Variants in ETV6 observed in about 807,000 individuals in gnomAD.
ETV6 encodes ETS variant transcription factor 6, also known as transcription factor ETV6.
In ETV6, 16 loss-of-function variants were observed where a neutral mutation model predicts 51.1. The ratio of observed to expected loss-of-function variants is 0.31; its 90% CI spans 0.21 to 0.48. The LOEUF is 0.48. Ranked by LOEUF, ETV6 falls within the 20% of genes least tolerant of loss-of-function variation. The probability of loss-of-function intolerance (pLI) is 0.99; values close to 1 mark genes in which losing one functional copy is unlikely to be tolerated. For missense variants in ETV6, 458 were observed against 594.8 expected (o/e 0.77, Z 2.39); for synonymous variants, 240 against 224.1 (o/e 1.07, Z -0.64).
chr12:11,815,618 G>A (rs1945980465), intron 2 of ETV6, among the ~76,000 whole-genome samples: 1 of 146,236 alleles, frequency 6.8e-6, no homozygotes, highest in South Asian at 2.1e-4. Flanking sequence ...CTCACCTGGT[G>A]ACTGTGAAGG....
At chr12:11,827,991 C>G (rs1946184232) in intron 2 of ETV6, among the ~76,000 whole-genome samples, 1 of 152,242 alleles carries the variant, frequency 6.6e-6, no homozygotes, top group Non-Finnish European at 1.5e-5. Flanking sequence ...CTTGCACCAA[C>G]TTTCCTCCAG....
chr12:11,713,837 C>T (rs1220134585), intron 1 of ETV6, among the ~76,000 whole-genome samples: 6 of 152,124 alleles, frequency 3.9e-5, no homozygotes, highest in Admixed American at 3.9e-4. Context: ...TGTTCTAGAA[C>T]AATTAAATTC....
intron 1 of ETV6, among the ~76,000 whole-genome samples, chr12:11,669,564 A>G (rs1031920247): frequency 4.6e-5 from 7 of 151,128 alleles, no homozygotes; most frequent in South Asian, 2.1e-4. Flanking sequence ...TTACATCTCT[A>G]TCTCCTGTGG....
chr12:11,835,564 G>C (rs1421925219), intron 2 of ETV6, among the ~76,000 whole-genome samples: 1 of 152,222 alleles, frequency 6.6e-6, no homozygotes, highest in African/African-American at 2.4e-5. Context: ...CAAGTAGCCT[G>C]TGAAGGGAGG....
At chr12:11,663,857 A>G (rs1262577680) in intron 1 of ETV6, among the ~76,000 whole-genome samples, 2 of 152,176 alleles carry the variant, frequency 1.3e-5, no homozygotes, top group African/African-American at 2.4e-5. Context: ...GTTAGTGTCT[A>G]CATTCCAAAC....
At chr12:11,853,298 G>T in intron 3 of ETV6, 129 bp from the exon 4 acceptor site, 1 of 979,066 alleles carries the variant, frequency 1.0e-6, no homozygotes, top group South Asian at 1.5e-5. Flanking sequence ...GCTTGGTGAG[G>T]GTAGGAGGTG....
At chr12:11,752,721 C>T in intron 2 of ETV6, 142 bp downstream of exon 2, 1 of 1,054,944 alleles carries the variant, frequency 9.5e-7, no homozygotes, top group Non-Finnish European at 1.3e-6. Context: ...TCTTTCACAC[C>T]CCCCTACCCC....
At chr12:11,865,869 TCTTA>T (rs565041229) in intron 4 of ETV6, among the ~76,000 whole-genome samples, 310 of 152,100 alleles carry the variant, frequency 2.0e-3, no homozygotes, top group Non-Finnish European at 3.9e-3. Context: ...ATTTTACATA[TCTTA>T]CTTGAGATTC....
At chr12:11,746,480 T>C (rs1036590214) in intron 1 of ETV6, among the ~76,000 whole-genome samples, 2 of 152,192 alleles carry the variant, frequency 1.3e-5, no homozygotes, top group African/African-American at 2.4e-5. Context: ...TAGCTCTCTT[T>C]CCTGATTGTG....
At chr12:11,733,407 CAAAAAAAAA>C (rs11394100) in intron 1 of ETV6, among the ~76,000 whole-genome samples, 2 of 101,064 alleles carry the variant, frequency 2.0e-5, no homozygotes, top group African/African-American at 9.5e-5. Context: ...GACTCCATCT[CAAAAAAAAA>C]AAAAAAAAAA....
At chr12:11,745,255 A>C (rs2121036820) in intron 1 of ETV6, among the ~76,000 whole-genome samples, 1 of 152,318 alleles carries the variant, frequency 6.6e-6, no homozygotes, top group Middle Eastern at 3.4e-3. Context: ...CGGAACCTTT[A>C]AGTTCTCCTA....
At chr12:11,715,004 C>T (rs952210741) in intron 1 of ETV6, among the ~76,000 whole-genome samples, 4 of 152,114 alleles carry the variant, frequency 2.6e-5, no homozygotes, top group African/African-American at 4.8e-5. Context: ...ATGATACCCA[C>T]GTTACATGAC....
Position 11,894,388 on chromosome 12 carries a change from A to C in ETV6, c.*3342A>C. The C allele has an allele frequency of 8.6e-6, 2 of 232,530 alleles. No individual in the cohort carries two copies. The highest frequency in any genetic ancestry group is 1.7e-5 in the Non-Finnish European group (2 of 117,876). The allele number at this position is 232,530 out of a possible 1,614,324, so 14.4% of individuals were successfully genotyped here. The stretch of plus-strand genomic sequence containing the variant: ...GAAGAAAGCACTGGTAATTGGCTAG[A>C]CTGGCTATGTTGAAGGTAACATGAA... On this transcript the variant is annotated 3_prime_UTR_variant, in exon 8 of 8. Transcript: ENST00000396373.
At chr12:11,715,650 G>A (rs929004083) in intron 1 of ETV6, among the ~76,000 whole-genome samples, 2 of 152,292 alleles carry the variant, frequency 1.3e-5, no homozygotes, top group East Asian at 1.9e-4. Flanking sequence ...AGGAAGAGTC[G>A]AACTTATAGA....
chr12:11,797,765 G>A (rs797015249), intron 2 of ETV6, among the ~76,000 whole-genome samples: 7 of 152,202 alleles, frequency 4.6e-5, no homozygotes, highest in South Asian at 4.1e-4. Context: ...AGACAGCCAA[G>A]CATCTCACTG....
chr12:11,799,564 C>T (rs541417086), intron 2 of ETV6, among the ~76,000 whole-genome samples: 11 of 152,184 alleles, frequency 7.2e-5, no homozygotes, highest in South Asian at 4.2e-4. Context: ...ATTAGGGAAA[C>T]GTTATGGAAC....
At chr12:11,796,766 CTTTT>C (rs764589630) in intron 2 of ETV6, among the ~76,000 whole-genome samples, 1 of 143,464 alleles carries the variant, frequency 7.0e-6, no homozygotes, top group Admixed American at 6.9e-5. Context: ...TCTTCCTTTT[CTTTT>C]TTTTTTTTTT....
At chr12:11,848,367 T>G (rs955318842) in intron 3 of ETV6, among the ~76,000 whole-genome samples, 5 of 152,188 alleles carry the variant, frequency 3.3e-5, no homozygotes, top group South Asian at 2.1e-4. Context: ...GAGCCCAAAT[T>G]CTTTCCTCTA....
At chr12:11,860,161 G>A (rs920772192) in intron 4 of ETV6, among the ~76,000 whole-genome samples, 1 of 152,128 alleles carries the variant, frequency 6.6e-6, no homozygotes, top group Non-Finnish European at 1.5e-5. Flanking sequence ...TCTCTACAGC[G>A]GCTTAGTAGG....
Sources: allele counts gnomAD v4.1 joint callset (sites outside exome capture counted in the v4.1 genomes callset), GRCh38; gene constraint gnomAD v4.1.1; transcripts MANE v1.5; gene names NCBI Gene and HGNC (gene_info 2026-07-23, HGNC 2026-07-21).